PLAC1: variants seen among roughly 807,000 people sequenced by gnomAD.
PLAC1 encodes placenta-specific protein 1.
For missense variants in PLAC1, 136 were observed against 163.2 expected (o/e 0.83, Z 0.91); for synonymous variants, 68 against 62.1 (o/e 1.09, Z -0.44).
In PLAC1 at chrX:134,640,251, C is replaced by T. The variant is rs183762628; in HGVS notation, c.-131+18077G>A. ...AGTCACTAGCATCTGTGAAGCTGAC[C>T]TAGGTATGCCTGAGCTTTTGTCCCA... is the stretch of plus-strand genomic sequence containing the variant. On this transcript the variant is annotated intron_variant, in intron 1 of 2. Coordinates refer to ENST00000359237, the MANE Select transcript of PLAC1 (RefSeq NM_021796.4). Among the ~76,000 whole-genome samples, 4 of 111,807 alleles carry T rather than the reference C, an allele frequency of 3.6e-5. 1 individual carries two copies. The East Asian group carries it at 1.1e-3, about 31-fold the overall frequency.
chrX:134,631,115 G>A (rs2078259114), intron 1 of PLAC1, among the ~76,000 whole-genome samples: 2 of 111,997 alleles, frequency 1.8e-5, no homozygotes, highest in African/African-American at 6.5e-5. Context: ...CTTCTTTGGC[G>A]ATGATAAAAA....
intron 2 of PLAC1, among the ~76,000 whole-genome samples, chrX:134,705,002 A>ATATATATATATATATATATATG (rs1478504606): frequency 2.1e-5 from 2 of 94,783 alleles, no homozygotes; most frequent in African/African-American, 8.7e-5. Flanking sequence ...CAAAAAAATT[A>ATATATATATATATATATATATG]TATATATATA....
intron 2 of PLAC1, among the ~76,000 whole-genome samples, chrX:134,726,165 C>T (rs766692494): frequency 5.4e-5 from 6 of 111,869 alleles, no homozygotes; most frequent in Non-Finnish European, 1.1e-4. Flanking sequence ...GCTTCTGTTC[C>T]TTCTCACTAG....
intron 1 of PLAC1, among the ~76,000 whole-genome samples, chrX:134,755,594 T>G (rs892970972): frequency 2.7e-5 from 3 of 111,401 alleles, no homozygotes; most frequent in Non-Finnish European, 5.7e-5. Flanking sequence ...ATGGTCAAGT[T>G]GACTGTGTAT....
At chrX:134,706,254 C>T (rs764013807) in intron 2 of PLAC1, among the ~76,000 whole-genome samples, 1 of 112,819 alleles carries the variant, frequency 8.9e-6, no homozygotes, top group Non-Finnish European at 1.9e-5. Context: ...GACTTTTCCC[C>T]TCCCTAGGCT....
intron 1 of PLAC1, among the ~76,000 whole-genome samples, chrX:134,741,702 GAAAAAAAAAA>G (rs60020281): frequency 1.4e-5 from 1 of 70,611 alleles, no homozygotes; most frequent in Non-Finnish European, 2.9e-5. Flanking sequence ...CTCTGTCTTG[GAAAAAAAAAA>G]AAAAAAAAAG....
At chrX:134,571,321 T>C (rs1285915564) in intron 2 of PLAC1, among the ~76,000 whole-genome samples, 1 of 112,177 alleles carries the variant, frequency 8.9e-6, no homozygotes, top group Non-Finnish European at 1.9e-5. Context: ...ATGTTTACAT[T>C]GTGGAATGAT....
Position 134,719,089 on chromosome X carries a change from G to A in PLAC1, n.174+14346C>T, listed in dbSNP as rs760413483. 2.7e-5 allele frequency among the ~76,000 whole-genome samples: 3 copies of A among 112,129 alleles called. No individual in the cohort carries two copies. The South Asian group carries it at 1.1e-3, about 42-fold the overall frequency. ...AGATTAGTGGTTGCCAGGGGGAGGG[G>A]AGAATGACGGCTTAGTGTGTGTGGG... is the stretch of plus-strand genomic sequence containing the variant. On this transcript the variant is annotated intron_variant and non_coding_transcript_variant, in intron 2 of 2. Transcript: ENST00000466797.
intron 1 of PLAC1, among the ~76,000 whole-genome samples, chrX:134,644,361 T>G (rs1044494816): frequency 9.0e-6 from 1 of 111,661 alleles, no homozygotes; most frequent in Non-Finnish European, 1.9e-5. Flanking sequence ...AAATTGAACA[T>G]TGAGTCCATC....
In PLAC1 at chrX:134,613,244, T is replaced by C. The variant is rs777558726; in HGVS notation, c.-130-11122A>G. Reference sequence around the variant, plus strand: ...CTGAGACCCCTTTGCAGATTTCCCTTTTGTACCTTTCATGCTAAAATGTCA... The same window carrying C: ...CTGAGACCCCTTTGCAGATTTCCCTCTTGTACCTTTCATGCTAAAATGTCA... On this transcript the variant is annotated intron_variant, in intron 1 of 2. Transcript: ENST00000359237. 2.4e-4 allele frequency among the ~76,000 whole-genome samples: 27 copies of C among 111,181 alleles called. 1 individual carries two copies. The South Asian group carries it at 9.9e-3, about 41-fold the overall frequency.
intron 2 of PLAC1, among the ~76,000 whole-genome samples, chrX:134,664,704 G>A (rs1294947256): frequency 2.7e-5 from 3 of 111,875 alleles, no homozygotes; most frequent in African/African-American, 9.8e-5. Context: ...TAAGCTTCAG[G>A]TTTTATCTGA....
chrX:134,673,248 AGAGGGAGGGAAG>A (rs1351700707), intron 2 of PLAC1, among the ~76,000 whole-genome samples: 15 of 96,842 alleles, frequency 1.5e-4, no homozygotes, highest in African/African-American at 5.7e-4. Context: ...AGGAAAGGAG[AGAGGGAGGGAAG>A]GAGGGAGGGA....
intron 2 of PLAC1, among the ~76,000 whole-genome samples, chrX:134,696,697 C>T (rs1359294867): frequency 9.0e-6 from 1 of 111,371 alleles, no homozygotes; most frequent in African/African-American, 3.3e-5. Flanking sequence ...GGCTTGCAAG[C>T]GGCCCTCAGC....
chrX:134,573,992 G>A lies in PLAC1; in HGVS notation c.-58-7252C>T, dbSNP rs188613941. The stretch of plus-strand genomic sequence containing the variant: ...CGAGCCTACAATTTGGGAGGCATGC[G>A]TGCATATCGGAGTAGGTAAAGATGC... On this transcript the variant is annotated intron_variant, in intron 2 of 2. Transcript: ENST00000359237. Among the ~76,000 whole-genome samples, 273 of 111,105 alleles carry A rather than the reference G, an allele frequency of 2.5e-3. 3 individuals carry two copies. Among genetic ancestry groups the A allele is most frequent in the Non-Finnish European group, 3.4e-3 (178 of 53,035 alleles).
chrX:134,751,086 G>A (rs1293981180), intron 1 of PLAC1, among the ~76,000 whole-genome samples: 1 of 83,820 alleles, frequency 1.2e-5, no homozygotes, highest in Non-Finnish European at 2.2e-5. Context: ...TCATGCCACC[G>A]CACTGCAGCC....
chrX:134,696,622 C>T (rs2147824672), intron 2 of PLAC1, among the ~76,000 whole-genome samples: 1 of 111,604 alleles, frequency 9.0e-6, no homozygotes, highest in South Asian at 3.8e-4. Flanking sequence ...AACTGAGAAT[C>T]AAGAATTTAG....
intron 1 of PLAC1, among the ~76,000 whole-genome samples, chrX:134,611,776 C>T (rs1017519734): frequency 1.4e-4 from 16 of 110,653 alleles, no homozygotes; most frequent in South Asian, 3.9e-4. Context: ...TAAAAAGGCA[C>T]GAGACACAAG....
At chrX:134,726,683 C>T (rs987308864) in intron 2 of PLAC1, among the ~76,000 whole-genome samples, 5 of 108,963 alleles carry the variant, frequency 4.6e-5, no homozygotes, top group African/African-American at 6.7e-5. Context: ...ATTATCTGGG[C>T]GTGGTGGCAT....
chrX:134,606,613 T>C (rs1347735911), intron 1 of PLAC1, among the ~76,000 whole-genome samples: 3 of 112,267 alleles, frequency 2.7e-5, no homozygotes, highest in Non-Finnish European at 5.6e-5. Context: ...ACAGTAGGGA[T>C]AGTTCTGAAA....
Sources: gnomAD v4.1 joint callset for allele counts (sites outside exome capture counted in the v4.1 genomes callset) on GRCh38, gnomAD v4.1.1 for gene constraint, MANE v1.5 for transcripts, NCBI Gene and HGNC (gene_info 2026-07-23, HGNC 2026-07-21) for gene names.